CD84: variants seen among roughly 807,000 people sequenced by gnomAD.
The protein encoded by CD84 is SLAM family member 5.
In CD84, 22 loss-of-function variants were observed where a neutral mutation model predicts 33.8. The observed-to-expected ratio is 0.65, with a 90% CI of 0.46 to 0.93. The LOEUF (loss-of-function observed/expected upper bound fraction) is 0.93. Ranked by LOEUF, CD84 falls within the 40% of genes least tolerant of loss-of-function variation. The pLI is 0.00. For synonymous variants in CD84, 154 were observed against 145.2 expected, an observed-to-expected ratio of 1.06 and a Z score of -0.44; for missense variants, 400 against 397.6, an observed-to-expected ratio of 1.01 and a Z score of -0.05.
chr1:160,553,093 A>C (rs937287584), intron 4 of CD84: 3 of 577,744 alleles, frequency 5.2e-6, no homozygotes, highest in Admixed American at 3.0e-5. Context: ...GGAAAGGTGA[A>C]CACACTCGTA....
Position 160,554,002 on chromosome 1 carries a change from A to G in CD84, c.533T>C (p.Leu178Pro). The change falls in exon 3 of 7, where the codon CTT (leucine) becomes CCT (proline). Residue 178 changes from leucine (L) to proline (P), a missense_variant. Coordinates refer to ENST00000368054, the MANE Select transcript of CD84 (RefSeq NM_003874.4). ...GTCCTCAGGAGTCTGGAAGATTTGA[A>G]GGACATTACCCTCTTCTCCCAGGGG... Reference protein sequence around the residue: ...WSPLGEEGNVLQIFQTPEDQE... With the variant: ...WSPLGEEGNVPQIFQTPEDQE... The G allele has an allele frequency of 6.2e-7, 1 of 1,614,242 alleles. No homozygotes were observed. Among genetic ancestry groups the G allele is most frequent in the Non-Finnish European group, 8.5e-7 (1 of 1,180,040 alleles).
rs1186795073 is a variant in CD84, at chr1:160,545,928, A to T, written c.*2328T>A. 2 of 149,228 alleles carry T rather than the reference A, an allele frequency of 1.3e-5. No homozygotes were observed. The highest frequency in any genetic ancestry group is 3.0e-5 in the Non-Finnish European group (2 of 67,524). The allele number at this position is 149,228 out of a possible 1,614,324, so 9.2% of individuals were successfully genotyped here. ...ATTACAGGCGTGAGCCACCGTGCCC[A>T]GCTGCATCCTGATATTTAATGCTTG... On this transcript the variant is annotated 3_prime_UTR_variant, in exon 7 of 7. Transcript: ENST00000368054.
At chr1:160,562,675 A>T (rs1313562128) in intron 2 of CD84, among the ~76,000 whole-genome samples, 3 of 152,192 alleles carry the variant, frequency 2.0e-5, no homozygotes, top group African/African-American at 7.2e-5. Context: ...AGATTTCATG[A>T]TGAAAATGTC....
intron 1 of CD84, among the ~76,000 whole-genome samples, chr1:160,570,502 T>C (rs1388862938): frequency 1.3e-5 from 2 of 152,142 alleles, no homozygotes; most frequent in Admixed American, 6.5e-5. Flanking sequence ...CTAACGTTGG[T>C]CATATGACTA....
chr1:160,577,816 T>G (rs1315320817), intron 1 of CD84, among the ~76,000 whole-genome samples: 4 of 152,222 alleles, frequency 2.6e-5, no homozygotes, highest in Non-Finnish European at 5.9e-5. Context: ...CTCCCCATTT[T>G]GAAGCTGAAA....
At chr1:160,565,828 G>C in intron 1 of CD84, 83 bp from the exon 2 acceptor site, 2 of 1,183,556 alleles carry the variant, frequency 1.7e-6, no homozygotes, top group Non-Finnish European at 2.3e-6. Context: ...GGAGCTCCCT[G>C]AGGAGCTGCC....
In CD84 at chr1:160,554,168, C is replaced by T. The variant is rs750241583; in HGVS notation, c.389-22G>A. ...CGACCTGTGGGGGCAAACACATGAG[C>T]CAATAGTGAGCTGGAGCTGGCTTGT... On this transcript the variant is annotated intron_variant, in intron 2 of 6. Transcript: ENST00000368054. The T allele has an allele frequency of 1.8e-5, 29 of 1,590,424 alleles. No homozygotes were observed. The South Asian group carries it at 3.2e-4, about 18-fold the overall frequency.
chr1:160,571,051 G>A (rs886448452), intron 1 of CD84: 2 of 152,142 alleles, frequency 1.3e-5, no homozygotes, highest in Admixed American at 6.5e-5. Context: ...CAATGACCTT[G>A]TGAACTATTC....
At chr1:160,551,302 G>A (rs1557969953) in intron 4 of CD84, 1 of 404,914 alleles carries the variant, frequency 2.5e-6, no homozygotes, top group African/African-American at 2.1e-5. Flanking sequence ...TGTGTGGCCA[G>A]TCAAATGTAG....
intron 1 of CD84, among the ~76,000 whole-genome samples, chr1:160,568,013 A>G (rs2102189031): frequency 6.6e-6 from 1 of 152,274 alleles, no homozygotes; most frequent in South Asian, 2.1e-4. Flanking sequence ...TGGGCCTCGC[A>G]AATTATCTAG....
At chr1:160,574,107 A>AAAACAAT (rs1657857159) in intron 1 of CD84, among the ~76,000 whole-genome samples, 1 of 120,954 alleles carries the variant, frequency 8.3e-6, no homozygotes, top group African/African-American at 2.9e-5. Context: ...CAAAAAACAA[A>AAAACAAT]AACAAACAAA....
intron 2 of CD84, among the ~76,000 whole-genome samples, chr1:160,564,651 A>G (rs369992053): frequency 1.3e-5 from 2 of 152,362 alleles, no homozygotes; most frequent in African/African-American, 4.8e-5. Context: ...AGTGAAAAAT[A>G]CCCAACCTCA....
chr1:160,565,359 C>A (rs1474429852), intron 2 of CD84, 45 bp downstream of exon 2: 1 of 1,469,618 alleles, frequency 6.8e-7, no homozygotes, highest in Admixed American at 2.2e-5. Flanking sequence ...AGCAAACTTG[C>A]AAAGTAAAAA....
At chr1:160,567,498 G>C (rs1657405231) in intron 1 of CD84, among the ~76,000 whole-genome samples, 1 of 152,150 alleles carries the variant, frequency 6.6e-6, no homozygotes, top group Non-Finnish European at 1.5e-5. Context: ...GGAGTAGGAA[G>C]GGGGAAATTG....
rs1655930567 is a variant in CD84, at chr1:160,547,947, T to TA, written c.*308dup. 5.4e-6 allele frequency: 2 copies of TA among 370,836 alleles called. No homozygotes were observed. The highest frequency in any genetic ancestry group is 1.0e-5 in the Non-Finnish European group (2 of 195,236). 23.0% of individuals were successfully genotyped at this position (370,836 alleles called of 1,614,324 possible). On this transcript the variant is annotated 3_prime_UTR_variant, in exon 7 of 7. Transcript: ENST00000368054. ...CCAGAAGTGAGCAATCTTGCTTGTT[T>TA]ATCCCAGTGTGCCATAAAAATATTA... is the stretch of plus-strand genomic sequence containing the variant.
intron 1 of CD84, among the ~76,000 whole-genome samples, chr1:160,568,596 G>A (rs1422680759): frequency 6.6e-6 from 1 of 152,056 alleles, no homozygotes; most frequent in Admixed American, 6.6e-5. Context: ...CAACCTTAAC[G>A]AGGTCACAAA....
At chr1:160,564,115 G>A (rs1657169427) in intron 2 of CD84, among the ~76,000 whole-genome samples, 1 of 152,110 alleles carries the variant, frequency 6.6e-6, no homozygotes, top group Non-Finnish European at 1.5e-5. Context: ...GCAAAACAAA[G>A]CACGCACATC....
intron 4 of CD84, chr1:160,552,742 G>A: frequency 6.5e-7 from 1 of 1,545,884 alleles, no homozygotes. Context: ...AGGAACCTGA[G>A]GAATCAGACC....
rs541046707 is a variant in CD84, at chr1:160,549,181, G to C, written c.921+736C>G. On this transcript the variant is annotated intron_variant, in intron 6 of 6. Transcript: ENST00000368054. ...GAAGTAGCACTGCCCTGCTTGTCGAGCTCATAGATGTCCTCCCTATTGCCT... is the reference window on the plus strand; with the variant it reads ...GAAGTAGCACTGCCCTGCTTGTCGACCTCATAGATGTCCTCCCTATTGCCT... Among the ~76,000 whole-genome samples the C allele has an allele frequency of 2.0e-5, 3 of 152,222 alleles. No individual in the cohort carries two copies. The South Asian group carries it at 6.2e-4, about 32-fold the overall frequency.
Sources: gnomAD v4.1 joint callset for allele counts (sites outside exome capture counted in the v4.1 genomes callset) on GRCh38, gnomAD v4.1.1 for gene constraint, MANE v1.5 for transcripts, NCBI Gene and HGNC (gene_info 2026-07-23, HGNC 2026-07-21) for gene names.